CRTC3: variants seen among roughly 807,000 people sequenced by gnomAD.
CRTC3 encodes the protein CREB-regulated transcription coactivator 3.
A neutral mutation model predicts 74.5 loss-of-function variants in CRTC3; 26 were observed. That is an observed-to-expected ratio of 0.35 (90% CI 0.26 to 0.48). The LOEUF is 0.48. Ranked by LOEUF, CRTC3 falls within the 20% of genes least tolerant of loss-of-function variation. CRTC3 has a pLI of 0.99. For missense variants in CRTC3, 760 were observed against 787.3 expected (o/e 0.97, Z 0.41); for synonymous variants, 377 against 325.8 (o/e 1.16, Z -1.69).
At chr15:90,556,977 T>C (rs1219729341) in intron 2 of CRTC3, among the ~76,000 whole-genome samples, 2 of 25,550 alleles carry the variant, frequency 7.8e-5, no homozygotes, top group Non-Finnish European at 3.8e-4. Flanking sequence ...TATATATATA[T>C]ATATATATAT....
intron 1 of CRTC3, among the ~76,000 whole-genome samples, chr15:90,532,634 G>T (rs557076397): frequency 1.3e-4 from 20 of 152,294 alleles, no homozygotes; most frequent in African/African-American, 4.6e-4. Context: ...TCACCTAGGC[G>T]TTACTTATCC....
At position 90,545,820 on chromosome 15, in the gene CRTC3, C is replaced by T. The variant is rs188483881; in HGVS notation, c.231+5683C>T. Among the ~76,000 whole-genome samples the T allele has an allele frequency of 2.8e-3, 419 of 152,184 alleles. 2 individuals are homozygous for T. The highest frequency in any genetic ancestry group is 4.3e-3 in the African/African-American group (180 of 41,542). On this transcript the variant is annotated intron_variant, in intron 2 of 14. Coordinates refer to ENST00000268184, the MANE Select transcript of CRTC3 (RefSeq NM_022769.5). ...GTCTCCATCTCCTGACTTTGTGATCCGCCCGCCTTGGCCTCCCAAAGTGCT... is the reference window on the plus strand; with the variant it reads ...GTCTCCATCTCCTGACTTTGTGATCTGCCCGCCTTGGCCTCCCAAAGTGCT...
At chr15:90,536,225 C>G (rs1966716701) in intron 1 of CRTC3, among the ~76,000 whole-genome samples, 1 of 152,114 alleles carries the variant, frequency 6.6e-6, no homozygotes, top group Admixed American at 6.5e-5. Context: ...TTTAAGTCCT[C>G]TAACTTAGCT....
intron 11 of CRTC3, chr15:90,634,781 A>C: frequency 8.2e-7 from 1 of 1,224,720 alleles, no homozygotes; most frequent in South Asian, 1.2e-5. Context: ...TATTGGTTGG[A>C]AGGAGCGCTG....
chr15:90,607,442 G>A lies in CRTC3; in HGVS notation c.541G>A (p.Gly181Arg), dbSNP rs748740631. 1.4e-5 allele frequency: 23 copies of A among 1,613,104 alleles called. No individual in the cohort carries two copies. In the South Asian group the frequency reaches 2.0e-4, roughly 14 times the overall value. ...TACCAAGCCCCAGGACCCCTATGGA[G>A]GAGGGGGCCAGTCGGCCTGGCCTGC... Reference protein sequence around the residue: ...LSTKPQDPYGGGGQSAWPAPY... With the variant: ...LSTKPQDPYGRGGQSAWPAPY... Residue 181 changes from glycine (G) to arginine (R), a missense_variant, in exon 6 of 15, where the codon GGA (glycine) becomes AGA (arginine). By Grantham distance (125) the Gly-to-Arg change is moderately radical (BLOSUM62 -2). Around this residue, in one of 2 missense-constraint regions of CRTC3, gnomAD observed 652 missense variants for 635.2 expected, o/e 1.03. Coordinates refer to ENST00000268184, the MANE Select transcript of CRTC3 (RefSeq NM_022769.5).
intron 4 of CRTC3, among the ~76,000 whole-genome samples, chr15:90,602,587 T>C (rs1451289316): frequency 1.3e-5 from 2 of 152,048 alleles, no homozygotes; most frequent in African/African-American, 4.8e-5. Flanking sequence ...GGCCTGTGAA[T>C]AGCTACTGCA....
chr15:90,633,384 C>T (rs1969114070), intron 11 of CRTC3, among the ~76,000 whole-genome samples: 2 of 152,186 alleles, frequency 1.3e-5, no homozygotes, highest in African/African-American at 4.8e-5. Flanking sequence ...TTTATTTGAT[C>T]TGCCATTTAA....
At chr15:90,582,707 T>C (rs1253182454) in intron 2 of CRTC3, among the ~76,000 whole-genome samples, 1 of 152,232 alleles carries the variant, frequency 6.6e-6, no homozygotes, top group Non-Finnish European at 1.5e-5. Context: ...TATGCCATCC[T>C]GTAAATCCCC....
chr15:90,615,182 A>G (rs1968461527), intron 7 of CRTC3, among the ~76,000 whole-genome samples: 1 of 152,226 alleles, frequency 6.6e-6, no homozygotes, highest in African/African-American at 2.4e-5. Context: ...AGGAAAATGC[A>G]AATTGGTTAT....
chr15:90,628,067 A>G (rs1200118589), intron 10 of CRTC3, among the ~76,000 whole-genome samples: 2 of 151,282 alleles, frequency 1.3e-5, no homozygotes, highest in Non-Finnish European at 3.0e-5. Flanking sequence ...ATTACAAAAA[A>G]TTAACCAGGC....
At position 90,530,635 on chromosome 15, in the gene CRTC3, G is replaced by A. The variant is rs9806361; in HGVS notation, c.132+432G>A. 35,407 of 152,044 alleles carry A rather than the reference G, an allele frequency of 0.23. 4,376 individuals carry two copies. The highest frequency in any genetic ancestry group is 0.45 in the East Asian group (2,321 of 5,118). 9.4% of individuals were successfully genotyped at this position (152,044 alleles called of 1,614,324 possible). ...TGTTCTGCCGGCGTGGAAGGCCGCG[G>A]GCACCCCAGGGTCCCACGCGCTCGT... On this transcript the variant is annotated intron_variant, in intron 1 of 14. Coordinates refer to ENST00000268184, the MANE Select transcript of CRTC3 (RefSeq NM_022769.5). The surrounding 1 kb of genome is among the most constrained non-coding windows in gnomAD (Gnocchi z 6.2).
At position 90,538,706 on chromosome 15, in the gene CRTC3, A is replaced by G. The variant is rs146370838; in HGVS notation, c.133-1333A>G. 1.1e-4 allele frequency among the ~76,000 whole-genome samples: 16 copies of G among 152,046 alleles called. 1 individual carries two copies. The East Asian group carries it at 3.1e-3, about 29-fold the overall frequency. ...ATACTATTTGAAATCTTTCATAATA[A>G]ATGTAAAAAGGAAATTATCAGAGAG... On this transcript the variant is annotated intron_variant, in intron 1 of 14. Coordinates refer to ENST00000268184, the MANE Select transcript of CRTC3 (RefSeq NM_022769.5).
chr15:90,619,690 T>C (rs558209233), intron 8 of CRTC3, 51 bp from the exon 9 acceptor site: 2 of 1,558,334 alleles, frequency 1.3e-6, no homozygotes, highest in South Asian at 2.2e-5. Context: ...TTTCAAAAAC[T>C]TGAATTTGGC....
At chr15:90,632,612 A>G (rs912094363) in intron 11 of CRTC3, among the ~76,000 whole-genome samples, 5 of 151,872 alleles carry the variant, frequency 3.3e-5, no homozygotes, top group Admixed American at 1.3e-4. Flanking sequence ...TAACCATGTT[A>G]TTATTATTTT....
intron 2 of CRTC3, among the ~76,000 whole-genome samples, chr15:90,587,267 G>C (rs1967687226): frequency 1.3e-5 from 2 of 152,174 alleles, no homozygotes; most frequent in Admixed American, 6.5e-5. Context: ...GGTCCCTTGG[G>C]GAAGTACTCC....
At chr15:90,591,157 G>T (rs985082918) in intron 2 of CRTC3, among the ~76,000 whole-genome samples, 2 of 151,598 alleles carry the variant, frequency 1.3e-5, no homozygotes, top group African/African-American at 4.8e-5. Flanking sequence ...AGAAGTGAGG[G>T]CTTGCAGTGT....
At chr15:90,542,209 C>A (rs995430714) in intron 2 of CRTC3, among the ~76,000 whole-genome samples, 1 of 149,236 alleles carries the variant, frequency 6.7e-6, no homozygotes, top group African/African-American at 2.5e-5. Context: ...GACCGAGTCT[C>A]ATTCTGTCGC....
In CRTC3 at chr15:90,642,107, T is replaced by C; in HGVS notation, c.1827T>C (p.Ser609=). ...SDSSMGLLDP[S]VEETFRADRL is the part of the protein sequence containing the mutation. Reference sequence around the variant, plus strand: ...CCAGCATGGGCCTGCTGGACCCCTCTGTTGAAGAGACGTTTCGAGCTGACA... The same window carrying C: ...CCAGCATGGGCCTGCTGGACCCCTCCGTTGAAGAGACGTTTCGAGCTGACA... The change falls in exon 15 of 15, where the codon TCT becomes TCC. Residue 609 remains serine, a synonymous_variant. Transcript: ENST00000268184. 6.2e-7 allele frequency: 1 copy of C among 1,614,040 alleles called. No individual in the cohort carries two copies. The highest frequency in any genetic ancestry group is 1.7e-5 in the Admixed American group (1 of 60,020).
chr15:90,629,710 A>G (rs896370690), intron 11 of CRTC3, among the ~76,000 whole-genome samples, 178 bp downstream of exon 11: 2 of 152,210 alleles, frequency 1.3e-5, no homozygotes, highest in Non-Finnish European at 2.9e-5. Flanking sequence ...TCAATAATGC[A>G]GAATGAATTC....
Sources: gnomAD v4.1 joint callset for allele counts (sites outside exome capture counted in the v4.1 genomes callset) on GRCh38, gnomAD v4.1.1 for gene constraint, gnomAD v4.1.1 regional missense constraint, Gnocchi (gnomAD v3.1) non-coding constraint, MANE v1.5 for transcripts, NCBI Gene and HGNC (gene_info 2026-07-23, HGNC 2026-07-21) for gene names.